Variants in CARF observed in about 807,000 individuals in gnomAD.
The protein encoded by CARF is calcium responsive transcription factor, also known as calcium-responsive transcription factor.
A neutral mutation model predicts 82.0 loss-of-function variants in CARF; 57 were observed. That is an observed-to-expected ratio of 0.70 (90% CI 0.56 to 0.87). CARF has a LOEUF of 0.87. CARF is among the 40% of genes least tolerant of loss of function. The pLI, the probability that CARF is intolerant of heterozygous loss-of-function variation, is 0.00. For missense variants in CARF, 771 were observed against 855.8 expected (o/e 0.90, Z 1.24); for synonymous variants, 268 against 290.1 (o/e 0.92, Z 0.77).
intron 1 of CARF, among the ~76,000 whole-genome samples, chr2:202,915,372 T>C (rs1050640378): frequency 6.6e-6 from 1 of 152,160 alleles, no homozygotes; most frequent in African/African-American, 2.4e-5. Context: ...CTCATCTCAC[T>C]GCAACCTCTG....
chr2:202,943,579 A>G (rs549485482), intron 5 of CARF, among the ~76,000 whole-genome samples: 2 of 108,902 alleles, frequency 1.8e-5, no homozygotes, highest in East Asian at 2.6e-4. Context: ...CTTACATTTA[A>G]TGGAATGTAC....
chr2:202,922,125 A>G (rs565876519), intron 2 of CARF, among the ~76,000 whole-genome samples: 122 of 152,046 alleles, frequency 8.0e-4, no homozygotes, highest in Non-Finnish European at 1.4e-3. Context: ...CACCACACTG[A>G]GCCCTTAAAA....
intron 3 of CARF, among the ~76,000 whole-genome samples, chr2:202,941,464 A>T (rs1384412250): frequency 6.6e-6 from 1 of 152,196 alleles, no homozygotes; most frequent in African/African-American, 2.4e-5. Flanking sequence ...TATCTATTTT[A>T]AAATTATATA....
chr2:202,980,662 A>ATATATATATAT (rs2060223733), intron 14 of CARF, among the ~76,000 whole-genome samples: 24 of 115,042 alleles, frequency 2.1e-4, no homozygotes, highest in Middle Eastern at 4.5e-3. Context: ...ATATATATAT[A>ATATATATATAT]GTTGTGCCTC....
At chr2:202,932,424 T>G (rs1693109431) in intron 3 of CARF, among the ~76,000 whole-genome samples, 1 of 152,090 alleles carries the variant, frequency 6.6e-6, no homozygotes, top group Non-Finnish European at 1.5e-5. Context: ...GGAGCTAGGT[T>G]GTAGCTGTGA....
At chr2:202,962,995 G>GCCC (rs984505881) in intron 9 of CARF, 1 of 152,200 alleles carries the variant, frequency 6.6e-6, no homozygotes, top group African/African-American at 2.4e-5. Flanking sequence ...TGTGAATTAT[G>GCCC]CCCATTTCAT....
intron 14 of CARF, among the ~76,000 whole-genome samples, chr2:202,978,868 T>C (rs1203937044): frequency 6.6e-6 from 1 of 152,122 alleles, no homozygotes; most frequent in East Asian, 1.9e-4. Flanking sequence ...AAGAGGTTGA[T>C]GGATCTGAAG....
At chr2:202,934,326 C>T (rs1424854131) in intron 3 of CARF, among the ~76,000 whole-genome samples, 2 of 152,080 alleles carry the variant, frequency 1.3e-5, no homozygotes, top group Non-Finnish European at 2.9e-5. Flanking sequence ...TTAAATATAT[C>T]CAGTAATTCA....
rs1173248290 is a variant in CARF, at chr2:202,912,474, C to CG, written c.-958_-957insG. ...CCTACCGGACGCTACCTCCCAACCC[C>CG]CCGTCTTCCTCCTGCCTCCTCCTCC... On this transcript the variant is annotated 5_prime_UTR_variant, in exon 1 of 17. The change creates a premature stop within an existing upstream ORF in the 5' untranslated region. Transcript: ENST00000438828. 4 of 31,098 alleles carry CG rather than the reference C, an allele frequency of 1.3e-4. No homozygotes were observed. Among genetic ancestry groups the CG allele is most frequent in the South Asian group, 1.9e-3 (1 of 520 alleles). 1.9% of individuals were successfully genotyped at this position (31,098 alleles called of 1,614,324 possible).
At chr2:202,941,596 C>T (rs1181796530) in intron 3 of CARF, among the ~76,000 whole-genome samples, 1 of 152,070 alleles carries the variant, frequency 6.6e-6, no homozygotes. Flanking sequence ...CACATAAAAG[C>T]AATCTTAAAA....
At chr2:202,919,794 C>T (rs2105946181) in intron 2 of CARF, among the ~76,000 whole-genome samples, 1 of 152,166 alleles carries the variant, frequency 6.6e-6, no homozygotes, top group East Asian at 1.9e-4. Context: ...TTGAAATAAA[C>T]ACATGTAGGT....
rs796631396 is a variant in CARF at position 202,937,607 on chromosome 2, CT to C, written c.-43-4245del. On this transcript the variant is annotated intron_variant, in intron 3 of 16. Transcript: ENST00000438828. ...CTTGTATGGCATGACTTAACTGTTC[CT>C]TTTTTTTGTTATTTGTTTATTTATT... Among the ~76,000 whole-genome samples, 143 of 151,270 alleles carry C rather than the reference CT, an allele frequency of 9.5e-4. 1 individual carries two copies. Among genetic ancestry groups the C allele is most frequent in the African/African-American group, 3.3e-3 (136 of 41,268 alleles).
At chr2:202,940,696 T>C (rs1328603371) in intron 3 of CARF, among the ~76,000 whole-genome samples, 3 of 152,290 alleles carry the variant, frequency 2.0e-5, no homozygotes, top group East Asian at 3.9e-4. Context: ...TTTCCTCCCC[T>C]ACCAGCTATT....
intron 9 of CARF, among the ~76,000 whole-genome samples, chr2:202,965,189 G>A (rs2059498150): frequency 1.3e-5 from 2 of 151,974 alleles, no homozygotes; most frequent in South Asian, 2.1e-4. Flanking sequence ...TTCCATCTGT[G>A]TGATGTAGTT....
At chr2:202,979,651 A>G (rs2060165758) in intron 14 of CARF, among the ~76,000 whole-genome samples, 1 of 151,886 alleles carries the variant, frequency 6.6e-6, no homozygotes, top group Non-Finnish European at 1.5e-5. Flanking sequence ...AAATACAAAA[A>G]TTAGCTGGGC....
intron 2 of CARF, 51 bp downstream of exon 2, chr2:202,918,094 C>T (rs542412444): frequency 8.5e-5 from 37 of 437,742 alleles, no homozygotes; most frequent in Non-Finnish European, 1.5e-4. Context: ...AAAAAGTTAA[C>T]TATTATCTAT....
Position 202,923,718 on chromosome 2 carries a change from CG to C in CARF, c.-162-578del, listed in dbSNP as rs537407652. ...CCGGAGGCATTACATTACCTGATTTCGAACTATACTATAAGGCTGTACTCAC... is the reference window on the plus strand; with the variant it reads ...CCGGAGGCATTACATTACCTGATTTCAACTATACTATAAGGCTGTACTCAC... On this transcript the variant is annotated intron_variant, in intron 2 of 16. Transcript: ENST00000438828. Among the ~76,000 whole-genome samples the C allele has an allele frequency of 5.1e-4, 78 of 152,278 alleles. 1 individual carries two copies. The highest frequency in any genetic ancestry group is 6.8e-3 in the Middle Eastern group (2 of 294).
At chr2:202,938,953 T>C (rs1015580316) in intron 3 of CARF, among the ~76,000 whole-genome samples, 3 of 152,186 alleles carry the variant, frequency 2.0e-5, no homozygotes, top group Admixed American at 6.5e-5. Context: ...AAGGCCACTG[T>C]ACGTCTAATT....
chr2:202,982,337 G>A lies in CARF; in HGVS notation c.1955G>A (p.Gly652Glu). ...GCAATGGACGAGCTGGTAGAAGTTG[G>A]AGATGTTGAGGATACAGGGAATCTG... ...LVAMDELVEVGDVEDTGNLEG... is the reference protein window; with the variant it reads ...LVAMDELVEVEDVEDTGNLEG... The change falls in exon 16 of 17, where the codon GGA becomes GAA. Residue 652 changes from glycine (G) to glutamate (E), a missense_variant. Transcript: ENST00000438828. The A allele has an allele frequency of 3.1e-6, 5 of 1,614,164 alleles. No homozygotes were observed. Among genetic ancestry groups the A allele is most frequent in the Non-Finnish European group, 4.2e-6 (5 of 1,180,024 alleles).
Sources: allele counts gnomAD v4.1 joint callset (sites outside exome capture counted in the v4.1 genomes callset), GRCh38; gene constraint gnomAD v4.1.1; transcripts MANE v1.5; gene names NCBI Gene and HGNC (gene_info 2026-07-23, HGNC 2026-07-21).